The following MALRD1 variants were observed in gnomAD, a reference collection of about 807,000 sequenced individuals.
The protein encoded by MALRD1 is MAM and LDL-receptor class A domain-containing protein 1.
MALRD1 carries 247 observed loss-of-function variants against 242.1 expected under a neutral mutation model. That is an observed-to-expected ratio of 1.02 (90% CI 0.92 to 1.13). The LOEUF (loss-of-function observed/expected upper bound fraction) is 1.13. Among genes scored for constraint, MALRD1 ranks in the 50% most tolerant of loss-of-function variants. The pLI is 0.00. For missense variants in MALRD1, 2,989 were observed against 2,533.1 expected, an observed-to-expected ratio of 1.18 and a Z score of -3.86; for synonymous variants, 995 against 866.6, an observed-to-expected ratio of 1.15 and a Z score of -2.60.
intron 36 of MALRD1, among the ~76,000 whole-genome samples, chr10:19,635,458 C>A (rs1223434712): frequency 6.6e-6 from 1 of 151,922 alleles, no homozygotes; most frequent in Non-Finnish European, 1.5e-5. Context: ...AAAAACTAGT[C>A]CCTGGAAATT....
chr10:19,090,104 GT>G (rs1006733010), intron 4 of MALRD1, among the ~76,000 whole-genome samples: 1 of 70,262 alleles, frequency 1.4e-5, no homozygotes, highest in African/African-American at 8.1e-5. Context: ...CTTTAAAGTA[GT>G]TTTTTCCAAT....
chr10:19,229,546 T>A (rs556378521), intron 18 of MALRD1, among the ~76,000 whole-genome samples: 19 of 152,182 alleles, frequency 1.2e-4, no homozygotes, highest in Admixed American at 4.6e-4. Context: ...TGCTTCTAAC[T>A]TGATTTGCAT....
chr10:19,134,514 C>T (rs995665443), intron 9 of MALRD1, among the ~76,000 whole-genome samples: 5 of 151,738 alleles, frequency 3.3e-5, no homozygotes, highest in Admixed American at 3.3e-4. Flanking sequence ...ATTATTTTTG[C>T]ACCAACATGA....
At position 19,314,053 on chromosome 10, in the gene MALRD1, A is replaced by G. The variant is rs530552591; in HGVS notation, c.3420-9896A>G. On this transcript the variant is annotated intron_variant, in intron 21 of 39. Coordinates refer to ENST00000454679, the MANE Select transcript of MALRD1 (RefSeq NM_001142308.3). Reference sequence around the variant, plus strand: ...AAGGAGAATTTCATATAGAAAAGCAAGAATCCTCTGTCAGTTTTATTTAGC... The same window carrying G: ...AAGGAGAATTTCATATAGAAAAGCAGGAATCCTCTGTCAGTTTTATTTAGC... Among the ~76,000 whole-genome samples the G allele has an allele frequency of 2.2e-4, 33 of 151,746 alleles. No homozygotes were observed. The South Asian group carries it at 6.8e-3, about 31-fold the overall frequency.
intron 2 of MALRD1, among the ~76,000 whole-genome samples, chr10:19,068,561 T>C (rs1190048897): frequency 6.6e-6 from 1 of 152,116 alleles, no homozygotes; most frequent in Non-Finnish European, 1.5e-5. Context: ...AGACAAAATA[T>C]TGCCTGCATA....
At chr10:19,390,705 G>A (rs191145653) in intron 28 of MALRD1, among the ~76,000 whole-genome samples, 7 of 151,918 alleles carry the variant, frequency 4.6e-5, no homozygotes, top group Admixed American at 4.6e-4. Context: ...TTGGTTAAGT[G>A]CCCTGGCACT....
intron 28 of MALRD1, among the ~76,000 whole-genome samples, chr10:19,393,100 G>T (rs891139250): frequency 1.1e-4 from 17 of 152,146 alleles, no homozygotes; most frequent in Admixed American, 1.1e-3. Flanking sequence ...TGCATAATTG[G>T]TTGGGTGTAT....
intron 21 of MALRD1, among the ~76,000 whole-genome samples, chr10:19,319,184 C>T (rs565587696): frequency 7.9e-5 from 12 of 151,932 alleles, no homozygotes; most frequent in Non-Finnish European, 1.3e-4. Flanking sequence ...TTTTCCTTTA[C>T]GGTTAGTGAT....
chr10:19,469,936 T>G (rs1589127187), intron 29 of MALRD1, among the ~76,000 whole-genome samples: 1 of 152,090 alleles, frequency 6.6e-6, no homozygotes, highest in Middle Eastern at 3.4e-3. Context: ...CCCATCCCCT[T>G]TATTGGACTT....
intron 24 of MALRD1, among the ~76,000 whole-genome samples, chr10:19,338,947 A>G (rs1177016996): frequency 6.8e-6 from 1 of 146,276 alleles, no homozygotes; most frequent in Non-Finnish European, 1.5e-5. Flanking sequence ...GTATATACAT[A>G]TACTAGTTAT....
chr10:19,252,339 C>T (rs776297632), intron 18 of MALRD1, among the ~76,000 whole-genome samples: 11 of 152,026 alleles, frequency 7.2e-5, no homozygotes, highest in Non-Finnish European at 1.5e-4. Context: ...TCTTCTCTAT[C>T]GTAAATGGTG....
intron 12 of MALRD1, among the ~76,000 whole-genome samples, chr10:19,156,710 A>G (rs1834161074): frequency 6.6e-6 from 1 of 152,194 alleles, no homozygotes; most frequent in Non-Finnish European, 1.5e-5. Context: ...ATATGCATGT[A>G]TATGATTTTA....
intron 5 of MALRD1, among the ~76,000 whole-genome samples, chr10:19,108,501 G>A (rs1448677326): frequency 2.5e-5 from 1 of 40,398 alleles, no homozygotes; most frequent in Non-Finnish European, 3.9e-5. Flanking sequence ...TGCAAGCTCC[G>A]CTTCCCGGGT....
At chr10:19,365,151 A>T (rs1305818568) in intron 26 of MALRD1, among the ~76,000 whole-genome samples, 1 of 152,188 alleles carries the variant, frequency 6.6e-6, no homozygotes, top group East Asian at 1.9e-4. Context: ...TTAATTTAAA[A>T]TGAAATAAAA....
intron 22 of MALRD1, among the ~76,000 whole-genome samples, chr10:19,326,368 G>A (rs953735244): frequency 6.6e-6 from 1 of 152,008 alleles, no homozygotes; most frequent in Non-Finnish European, 1.5e-5. Flanking sequence ...AATTTTGTAA[G>A]TATGGAATTA....
intron 36 of MALRD1, among the ~76,000 whole-genome samples, chr10:19,620,820 A>G (rs1367199414): frequency 6.6e-6 from 1 of 152,160 alleles, no homozygotes; most frequent in South Asian, 2.1e-4. Context: ...ATTGAAATAT[A>G]TTCTTGAAAT....
intron 36 of MALRD1, among the ~76,000 whole-genome samples, chr10:19,650,521 A>T (rs914432044): frequency 1.3e-5 from 2 of 152,210 alleles, no homozygotes; most frequent in South Asian, 4.1e-4. Context: ...CCTTATAGAA[A>T]ATCTGTAATA....
At chr10:19,469,405 A>G (rs1242660031) in intron 29 of MALRD1, among the ~76,000 whole-genome samples, 2 of 152,082 alleles carry the variant, frequency 1.3e-5, no homozygotes, top group African/African-American at 2.4e-5. Context: ...AAATAATGCT[A>G]TTTAATTTTG....
At chr10:19,656,826 C>T (rs955775236) in intron 36 of MALRD1, among the ~76,000 whole-genome samples, 4 of 152,090 alleles carry the variant, frequency 2.6e-5, no homozygotes, top group African/African-American at 9.7e-5. Flanking sequence ...TATTTTGGGA[C>T]TCTTTTCATT....
Sources: gnomAD v4.1 joint callset for allele counts (sites outside exome capture counted in the v4.1 genomes callset) on GRCh38, gnomAD v4.1.1 for gene constraint, MANE v1.5 for transcripts, NCBI Gene and HGNC (gene_info 2026-07-23, HGNC 2026-07-21) for gene names.